The following PLLP variants were observed in gnomAD, a reference collection of about 807,000 sequenced individuals.
PLLP encodes plasmolipin.
In PLLP, 15 loss-of-function variants were observed where a neutral mutation model predicts 19.7. That is an observed-to-expected ratio of 0.76 (90% CI 0.51 to 1.17). The LOEUF (loss-of-function observed/expected upper bound fraction) is 1.17. PLLP is among the 50% of genes most tolerant of loss of function. The pLI is 0.00. For missense variants in PLLP, 255 were observed against 258.3 expected (o/e 0.99, Z 0.09); for synonymous variants, 111 against 116.3 (o/e 0.95, Z 0.29).
chr16:57,276,331 C>T (rs1158171892), intron 1 of PLLP, among the ~76,000 whole-genome samples: 1 of 152,178 alleles, frequency 6.6e-6, no homozygotes, highest in Non-Finnish European at 1.5e-5. Flanking sequence ...ATGGCTCATG[C>T]CTATAATCCC....
chr16:57,269,283 G>A (rs1819992786), intron 1 of PLLP, among the ~76,000 whole-genome samples: 1 of 152,178 alleles, frequency 6.6e-6, no homozygotes, highest in Non-Finnish European at 1.5e-5. Context: ...TGCAAAGATG[G>A]TCACCCCAAC....
chr16:57,271,719 C>T (rs1205496737), intron 1 of PLLP, among the ~76,000 whole-genome samples: 1 of 152,086 alleles, frequency 6.6e-6, no homozygotes, highest in East Asian at 1.9e-4. Context: ...AATCCCTCCC[C>T]GTTCCCATCC....
intron 1 of PLLP, among the ~76,000 whole-genome samples, chr16:57,270,600 G>A (rs1597962755): frequency 6.6e-6 from 1 of 151,992 alleles, no homozygotes; most frequent in African/African-American, 2.4e-5. Context: ...ACAGTGAAAG[G>A]GACTTTATGG....
intron 1 of PLLP, among the ~76,000 whole-genome samples, chr16:57,268,413 GGCAA>G (rs1254224106): frequency 6.6e-6 from 1 of 152,292 alleles, no homozygotes; most frequent in East Asian, 1.9e-4. Context: ...TGTGACCTCA[GGCAA>G]GTGGCTTAGC....
chr16:57,270,858 C>G (rs1406704074), intron 1 of PLLP, among the ~76,000 whole-genome samples: 1 of 152,194 alleles, frequency 6.6e-6, no homozygotes, highest in African/African-American at 2.4e-5. Context: ...ACTGAATAGC[C>G]CTAAGCTCTC....
chr16:57,281,874 C>T (rs1901223976), intron 1 of PLLP, among the ~76,000 whole-genome samples: 1 of 152,114 alleles, frequency 6.6e-6, no homozygotes, highest in Non-Finnish European at 1.5e-5. Context: ...GATGGAAGAC[C>T]CTCATCCCCT....
chr16:57,271,180 A>T (rs1236782776), intron 1 of PLLP, among the ~76,000 whole-genome samples: 3 of 151,758 alleles, frequency 2.0e-5, no homozygotes, highest in Non-Finnish European at 2.9e-5. Context: ...ACGCAGAAGA[A>T]GTTGCAGCAC....
intron 2 of PLLP, among the ~76,000 whole-genome samples, chr16:57,259,745 G>A (rs1373351333): frequency 2.0e-5 from 3 of 152,116 alleles, no homozygotes; most frequent in African/African-American, 4.8e-5. Flanking sequence ...GGGATGCCGA[G>A]GCAGGCAGAT....
intron 1 of PLLP, among the ~76,000 whole-genome samples, chr16:57,283,268 G>A (rs1901241278): frequency 1.3e-5 from 2 of 152,052 alleles, no homozygotes; most frequent in Non-Finnish European, 2.9e-5. Flanking sequence ...GGTTGGGGAG[G>A]GGGCCCACAG....
chr16:57,279,200 C>T (rs1901188512), intron 1 of PLLP, among the ~76,000 whole-genome samples: 1 of 152,096 alleles, frequency 6.6e-6, no homozygotes, highest in South Asian at 2.1e-4. Context: ...AAGTGAGGCT[C>T]AGGGAAATTT....
At chr16:57,258,920 CAAAAAAAAAAAAAAA>C (rs59321788) in intron 2 of PLLP, among the ~76,000 whole-genome samples, 5 of 40,248 alleles carry the variant, frequency 1.2e-4, no homozygotes, top group African/African-American at 5.1e-4. Flanking sequence ...GATCCTGTCT[CAAAAAAAAAAAAAAA>C]AAAAAAAAAA....
chr16:57,257,152 ATTT>A, intron 3 of PLLP, 123 bp from the exon 4 acceptor site: 1 of 693,890 alleles, frequency 1.4e-6, no homozygotes, highest in Non-Finnish European at 2.6e-6. Flanking sequence ...AGCCAGATGC[ATTT>A]CACAGCTGTT....
intron 1 of PLLP, among the ~76,000 whole-genome samples, chr16:57,276,996 G>A (rs1901162261): frequency 6.6e-6 from 1 of 152,136 alleles, no homozygotes; most frequent in East Asian, 1.9e-4. Flanking sequence ...AAAGAAAGAA[G>A]CAATTGCACT....
At position 57,256,814 on chromosome 16, in the gene PLLP, G is replaced by T; in HGVS notation, c.*99C>A. ...GAGCAAATGCAGTCCCTGTTGGGCT[G>T]ACTCCACGCAGGGCTCCCCAGCTTC... On this transcript the variant is annotated 3_prime_UTR_variant, in exon 4 of 4. Transcript: ENST00000219207. The T allele has an allele frequency of 1.3e-6, 1 of 767,926 alleles. No homozygotes were observed. The highest frequency in any genetic ancestry group is 1.5e-5 in the South Asian group (1 of 64,812). 47.6% of individuals were successfully genotyped at this position (767,926 alleles called of 1,614,324 possible). A position where few individuals can be genotyped will look rare whatever the true frequency, so the allele number is the denominator to read the frequency against.
chr16:57,258,920 CAAAAAAAAAAAAA>C (rs59321788), intron 2 of PLLP, among the ~76,000 whole-genome samples: 140 of 40,278 alleles, frequency 3.5e-3, no homozygotes, highest in African/African-American at 0.013. Context: ...GATCCTGTCT[CAAAAAAAAAAAAA>C]AAAAAAAAAA....
At chr16:57,280,608 C>T (rs1308801718) in intron 1 of PLLP, among the ~76,000 whole-genome samples, 2 of 152,128 alleles carry the variant, frequency 1.3e-5, no homozygotes, top group South Asian at 2.1e-4. Context: ...CTTTTTTAGA[C>T]GCTATCTGCA....
intron 1 of PLLP, among the ~76,000 whole-genome samples, chr16:57,283,453 G>A (rs1799829563): frequency 6.6e-6 from 1 of 152,200 alleles, no homozygotes; most frequent in Admixed American, 6.5e-5. Flanking sequence ...AGGAGACAAT[G>A]GGAAATGTCC....
chr16:57,275,093 TCACACACA>T (rs60029615), intron 1 of PLLP, among the ~76,000 whole-genome samples: 34 of 121,446 alleles, frequency 2.8e-4, no homozygotes, highest in East Asian at 2.0e-3. Flanking sequence ...TCCAGGGACT[TCACACACA>T]CACACACACA....
intron 1 of PLLP, among the ~76,000 whole-genome samples, chr16:57,280,305 G>A (rs80049356): frequency 0.034 from 5,123 of 152,214 alleles, 286 homozygotes; most frequent in African/African-American, 0.12. Flanking sequence ...TTACTTATCA[G>A]TAAATCCAGA....
Sources: gnomAD v4.1 joint callset for allele counts (sites outside exome capture counted in the v4.1 genomes callset) on GRCh38, gnomAD v4.1.1 for gene constraint, MANE v1.5 for transcripts, NCBI Gene and HGNC (gene_info 2026-07-23, HGNC 2026-07-21) for gene names.